Variants in KCND3 observed in about 807,000 individuals in gnomAD.
KCND3 encodes the protein potassium voltage-gated channel subfamily D member 3, also known as A-type voltage-gated potassium channel KCND3.
A neutral mutation model predicts 51.1 loss-of-function variants in KCND3; 9 were observed. The observed-to-expected ratio is 0.18, with a 90% CI of 0.11 to 0.31. The LOEUF (loss-of-function observed/expected upper bound fraction) is 0.31, where lower values mean the gene tolerates loss of function less well. Ranked by LOEUF, KCND3 falls within the 10% of genes least tolerant of loss-of-function variation. KCND3 has a pLI of 1.00. For missense variants in KCND3, 526 were observed against 903.8 expected (o/e 0.58, Z 5.36); for synonymous variants, 349 against 368.0 (o/e 0.95, Z 0.59).
intron 2 of KCND3, among the ~76,000 whole-genome samples, chr1:111,881,086 T>C (rs555481032): frequency 4.1e-4 from 62 of 152,306 alleles, no homozygotes; most frequent in African/African-American, 1.4e-3. Context: ...AAGCCTTGCA[T>C]GTCACTGTTT....
At chr1:111,940,625 T>C (rs1672470154) in intron 2 of KCND3, among the ~76,000 whole-genome samples, 1 of 152,244 alleles carries the variant, frequency 6.6e-6, no homozygotes. Context: ...CTTTGCTTAC[T>C]GTAGCCTCCC....
At chr1:111,980,203 A>AGTGTGTGTGTGTGTGTGTGTGTGT (rs58988523) in intron 2 of KCND3, among the ~76,000 whole-genome samples, 1 of 142,956 alleles carries the variant, frequency 7.0e-6, no homozygotes, top group Admixed American at 7.0e-5. Context: ...CCATTTGAAG[A>AGTGTGTGTGTGTGTGTGTGTGTGT]GTGTGTGTGT....
intron 2 of KCND3, among the ~76,000 whole-genome samples, chr1:111,894,855 C>A (rs745970430): frequency 6.6e-6 from 1 of 152,062 alleles, no homozygotes; most frequent in Non-Finnish European, 1.5e-5. Flanking sequence ...AGAGATTCCT[C>A]CTCAGCTGAA....
chr1:111,776,918 A>G, intron 7 of KCND3, 108 bp downstream of exon 7: 2 of 1,560,678 alleles, frequency 1.3e-6, no homozygotes, highest in Non-Finnish European at 1.7e-6. Flanking sequence ...TGCATTAGAT[A>G]AGGGGAGCGG....
intron 2 of KCND3, among the ~76,000 whole-genome samples, chr1:111,957,287 C>A (rs565083614): frequency 6.6e-6 from 1 of 152,314 alleles, no homozygotes; most frequent in African/African-American, 2.4e-5. Context: ...GCTACTCAGT[C>A]CAGTCTGTGA....
At chr1:111,812,326 T>C (rs1022247136) in intron 2 of KCND3, among the ~76,000 whole-genome samples, 1 of 152,008 alleles carries the variant, frequency 6.6e-6, no homozygotes, top group Non-Finnish European at 1.5e-5. Context: ...CATGGGGAAT[T>C]AGGGGAAATG....
chr1:111,889,685 G>T (rs1045155907), intron 2 of KCND3, among the ~76,000 whole-genome samples: 2 of 152,128 alleles, frequency 1.3e-5, no homozygotes, highest in Admixed American at 6.5e-5. Flanking sequence ...GAAGCACACA[G>T]TTTTCACATA....
chr1:111,826,194 C>CATGG (rs1666563398), intron 2 of KCND3, among the ~76,000 whole-genome samples: 1 of 152,066 alleles, frequency 6.6e-6, no homozygotes, highest in Non-Finnish European at 1.5e-5. Flanking sequence ...TGCACGAGCT[C>CATGG]TTTATATATT....
intron 2 of KCND3, among the ~76,000 whole-genome samples, chr1:111,877,752 T>C (rs926606094): frequency 1.3e-5 from 2 of 152,212 alleles, no homozygotes; most frequent in Admixed American, 1.3e-4. Context: ...ATAGAGTCCT[T>C]GACCTTCCTC....
chr1:111,890,919 G>A (rs1021994093), intron 2 of KCND3, among the ~76,000 whole-genome samples: 1 of 152,208 alleles, frequency 6.6e-6, no homozygotes, highest in African/African-American at 2.4e-5. Flanking sequence ...GCAACATGGA[G>A]GTCACAGTGA....
chr1:111,982,127 G>A lies in KCND3; in HGVS notation c.600C>T (p.Asn200=), dbSNP rs1674984825. 3.7e-6 allele frequency: 6 copies of A among 1,613,920 alleles called. No homozygotes were observed. The highest frequency in any genetic ancestry group is 5.1e-6 in the Non-Finnish European group (6 of 1,180,002). ...GFFIAVSVIT[N]VVETVPCGTV... Reference sequence around the variant, plus strand: ...TGCCGCACGGCACCGTCTCCACCACGTTGGTGATGACCGAGACAGCGATGA... The same window carrying A: ...TGCCGCACGGCACCGTCTCCACCACATTGGTGATGACCGAGACAGCGATGA... The change falls in exon 2 of 8, where the codon AAC becomes AAT. Residue 200 remains asparagine (N), a synonymous_variant. Transcript: ENST00000302127. The surrounding 1 kb of genome is among the most constrained non-coding windows in gnomAD (Gnocchi z 8.5).
At chr1:111,894,022 G>C (rs533041657) in intron 2 of KCND3, among the ~76,000 whole-genome samples, 212 of 152,282 alleles carry the variant, frequency 1.4e-3, no homozygotes, top group African/African-American at 4.9e-3. Flanking sequence ...CCACACATCA[G>C]CCAGAGTGAG....
At chr1:111,850,886 T>C (rs1449433918) in intron 2 of KCND3, among the ~76,000 whole-genome samples, 1 of 152,216 alleles carries the variant, frequency 6.6e-6, no homozygotes, top group African/African-American at 2.4e-5. Flanking sequence ...GTCTCTCACA[T>C]GAGAAACCCC....
chr1:111,784,943 C>G (rs1278990673), intron 3 of KCND3, among the ~76,000 whole-genome samples: 1 of 152,008 alleles, frequency 6.6e-6, no homozygotes, highest in African/African-American at 2.4e-5. Flanking sequence ...TAGGGGAGAG[C>G]TGGGAGCACG....
chr1:111,822,665 A>G (rs1413454391), intron 2 of KCND3, among the ~76,000 whole-genome samples: 1 of 152,184 alleles, frequency 6.6e-6, no homozygotes, highest in Non-Finnish European at 1.5e-5. Context: ...TGCTGCTATG[A>G]GTATGGGCAT....
At chr1:111,883,723 C>G (rs112303541) in intron 2 of KCND3, among the ~76,000 whole-genome samples, 1,618 of 152,308 alleles carry the variant, frequency 0.011, 27 homozygotes, top group African/African-American at 0.037. Context: ...AATGACTCTC[C>G]CTTTATGCAT....
chr1:111,857,477 C>A (rs975373349), intron 2 of KCND3, among the ~76,000 whole-genome samples: 1 of 152,192 alleles, frequency 6.6e-6, no homozygotes, highest in Non-Finnish European at 1.5e-5. Flanking sequence ...CCAGCATATG[C>A]AGTACAGCCG....
intron 2 of KCND3, among the ~76,000 whole-genome samples, chr1:111,818,828 G>A (rs1044091550): frequency 1.3e-5 from 2 of 152,110 alleles, no homozygotes; most frequent in Non-Finnish European, 2.9e-5. Flanking sequence ...TGTCCCAGGG[G>A]AGATCCTGGG....
At chr1:111,793,357 T>C (rs1382317355) in intron 2 of KCND3, among the ~76,000 whole-genome samples, 1 of 151,946 alleles carries the variant, frequency 6.6e-6, no homozygotes, top group African/African-American at 2.4e-5. Context: ...TTGTATTTTT[T>C]TAGTAGAGAT....
Sources: allele counts gnomAD v4.1 joint callset (sites outside exome capture counted in the v4.1 genomes callset), GRCh38; gene constraint gnomAD v4.1.1; non-coding constraint Gnocchi (gnomAD v3.1); transcripts MANE v1.5; gene names NCBI Gene and HGNC (gene_info 2026-07-23, HGNC 2026-07-21).